The following UBE2E2 variants were observed in gnomAD, a reference collection of about 807,000 sequenced individuals.
UBE2E2 encodes the protein ubiquitin-conjugating enzyme E2 E2.
A neutral mutation model predicts 24.7 loss-of-function variants in UBE2E2; 6 were observed. That is an observed-to-expected ratio of 0.24 (90% confidence interval 0.13 to 0.48). The LOEUF (loss-of-function observed/expected upper bound fraction) is 0.48, where lower values mean the gene tolerates loss of function less well. Among genes scored for constraint, UBE2E2 ranks in the 20% least tolerant of loss-of-function variants. The probability of loss-of-function intolerance (pLI) is 0.99; values close to 1 mark genes in which losing one functional copy is unlikely to be tolerated. For missense variants in UBE2E2, 169 were observed against 245.0 expected (o/e 0.69, Z 2.07); for synonymous variants, 104 against 83.6 (o/e 1.24, Z -1.33).
chr3:23,507,606 G>A (rs1694487362), intron 4 of UBE2E2, among the ~76,000 whole-genome samples: 1 of 152,226 alleles, frequency 6.6e-6, no homozygotes, highest in East Asian at 1.9e-4. Context: ...CACAAAGGAA[G>A]TAGGTAGCAG....
At chr3:23,440,512 A>G (rs1452244571) in intron 3 of UBE2E2, among the ~76,000 whole-genome samples, 2 of 152,252 alleles carry the variant, frequency 1.3e-5, no homozygotes. Flanking sequence ...ACCCACGTTC[A>G]TACGCGTGAA....
chr3:23,356,887 A>G (rs1048142324), intron 3 of UBE2E2, among the ~76,000 whole-genome samples: 1 of 152,228 alleles, frequency 6.6e-6, no homozygotes, highest in African/African-American at 2.4e-5. Flanking sequence ...AAAAAGGTTG[A>G]GGACCGCTGA....
intron 3 of UBE2E2, among the ~76,000 whole-genome samples, chr3:23,300,445 T>C (rs941854434): frequency 1.1e-3 from 163 of 152,312 alleles, no homozygotes; most frequent in Non-Finnish European, 1.9e-3. Context: ...CCATGTTTAG[T>C]GCTTCCTTCA....
intron 5 of UBE2E2, among the ~76,000 whole-genome samples, chr3:23,556,140 C>CTTTTTT (rs71057604): frequency 7.3e-4 from 67 of 92,292 alleles, no homozygotes; most frequent in Non-Finnish European, 8.8e-4. Context: ...AATATACAAA[C>CTTTTTT]TTTTTTTTTT....
At chr3:23,230,773 C>T (rs561115283) in intron 3 of UBE2E2, among the ~76,000 whole-genome samples, 11 of 141,518 alleles carry the variant, frequency 7.8e-5, no homozygotes, top group African/African-American at 2.7e-4. Flanking sequence ...GCAGCAAGAG[C>T]GAAACTCCTT....
At chr3:23,212,097 T>C (rs1008742439) in intron 2 of UBE2E2, among the ~76,000 whole-genome samples, 10 of 152,234 alleles carry the variant, frequency 6.6e-5, no homozygotes, top group African/African-American at 2.4e-4. Flanking sequence ...AATGCAGTAA[T>C]TATAGAATTA....
At chr3:23,529,990 A>G (rs969969920) in intron 4 of UBE2E2, among the ~76,000 whole-genome samples, 4 of 152,322 alleles carry the variant, frequency 2.6e-5, no homozygotes, top group East Asian at 1.9e-4. Context: ...TGGCAACCCA[A>G]TATTTTCATT....
intron 1 of UBE2E2, among the ~76,000 whole-genome samples, chr3:23,207,417 C>T (rs999767312): frequency 6.9e-6 from 1 of 144,372 alleles, no homozygotes; most frequent in Non-Finnish European, 1.6e-5. Context: ...ATATTTTAGC[C>T]AGAATGTGGG....
chr3:23,335,206 C>T (rs886853119), intron 3 of UBE2E2, among the ~76,000 whole-genome samples: 2 of 152,014 alleles, frequency 1.3e-5, no homozygotes, highest in East Asian at 1.9e-4. Context: ...AGGAATATTA[C>T]CATCATTTTA....
At chr3:23,529,469 A>G (rs1043977423) in intron 4 of UBE2E2, among the ~76,000 whole-genome samples, 8 of 152,196 alleles carry the variant, frequency 5.3e-5, no homozygotes, top group African/African-American at 1.9e-4. Flanking sequence ...ATTTTTAACG[A>G]AAGAACAGAG....
chr3:23,391,011 T>C (rs986659608), intron 3 of UBE2E2, among the ~76,000 whole-genome samples: 7 of 152,258 alleles, frequency 4.6e-5, no homozygotes, highest in Admixed American at 1.3e-4. Flanking sequence ...ACTTCTTCAA[T>C]GCTTATTGTT....
intron 3 of UBE2E2, among the ~76,000 whole-genome samples, chr3:23,304,912 C>T (rs1699200320): frequency 6.6e-6 from 1 of 151,912 alleles, no homozygotes; most frequent in Admixed American, 6.6e-5. Context: ...GAATCTTACC[C>T]ATGGATGATT....
At chr3:23,324,148 A>ATCT (rs748585921) in intron 3 of UBE2E2, among the ~76,000 whole-genome samples, 1 of 152,118 alleles carries the variant, frequency 6.6e-6, no homozygotes, top group Non-Finnish European at 1.5e-5. Context: ...ATATTCTGAT[A>ATCT]TCTTCAGTTG....
At chr3:23,396,920 G>C (rs762038766) in intron 3 of UBE2E2, among the ~76,000 whole-genome samples, 15 of 152,180 alleles carry the variant, frequency 9.9e-5, no homozygotes, top group Non-Finnish European at 1.9e-4. Context: ...GTGGGAGCTA[G>C]AAAGGTGAAC....
intron 3 of UBE2E2, among the ~76,000 whole-genome samples, chr3:23,409,387 C>T (rs1027209196): frequency 3.9e-5 from 6 of 152,082 alleles, no homozygotes; most frequent in Non-Finnish European, 8.8e-5. Flanking sequence ...ATATGATGTA[C>T]AAAGAACATA....
chr3:23,427,390 A>G (rs919203217), intron 3 of UBE2E2, among the ~76,000 whole-genome samples: 10 of 152,154 alleles, frequency 6.6e-5, no homozygotes, highest in South Asian at 6.2e-4. Flanking sequence ...AGATGATGCC[A>G]CTGCTCTCCA....
intron 1 of UBE2E2, chr3:23,204,654 A>T (rs987181027): frequency 1.0e-6 from 1 of 977,716 alleles, no homozygotes; most frequent in African/African-American, 1.7e-5. Flanking sequence ...GTGTTTTCAT[A>T]TAATGCCATA....
intron 4 of UBE2E2, among the ~76,000 whole-genome samples, chr3:23,514,470 A>C (rs999557452): frequency 1.3e-5 from 2 of 152,118 alleles, no homozygotes; most frequent in Non-Finnish European, 2.9e-5. Flanking sequence ...ATGTGTTTTC[A>C]TTCTCATTCT....
chr3:23,225,820 C>T (rs576393961), intron 3 of UBE2E2, among the ~76,000 whole-genome samples: 2 of 152,192 alleles, frequency 1.3e-5, no homozygotes, highest in South Asian at 4.1e-4. Context: ...TGGACATAAA[C>T]CTAACTACTG....
Sources: allele counts gnomAD v4.1 joint callset (sites outside exome capture counted in the v4.1 genomes callset), GRCh38; gene constraint gnomAD v4.1.1; transcripts MANE v1.5; gene names NCBI Gene and HGNC (gene_info 2026-07-23, HGNC 2026-07-21).